SYTL5: variants seen among roughly 807,000 people sequenced by gnomAD.
SYTL5 encodes the protein synaptotagmin-like protein 5.
A neutral mutation model predicts 55.9 loss-of-function variants in SYTL5; 34 were observed. The ratio of observed to expected loss-of-function variants is 0.61; its 90% CI spans 0.46 to 0.81. The LOEUF is 0.81. Among genes scored for constraint, SYTL5 ranks in the 30% least tolerant of loss-of-function variants. The pLI is 0.00. For synonymous variants in SYTL5, 221 were observed against 188.7 expected (o/e 1.17, Z -1.40); for missense variants, 637 against 546.7 (o/e 1.17, Z -1.65).
chrX:38,037,788 TGATAGATAGATAGATA>T (rs3067489), intron 2 of SYTL5, among the ~76,000 whole-genome samples: 20 of 82,448 alleles, frequency 2.4e-4, no homozygotes, highest in South Asian at 1.1e-3. Context: ...AACATTTTTC[TGATAGATAGATAGATA>T]GATAGATAGA....
the SYTL5 span, among the ~76,000 whole-genome samples, chrX:37,995,312 A>G: frequency 3.6e-5 from 4 of 111,891 alleles, no homozygotes; most frequent in Non-Finnish European, 7.5e-5. Flanking sequence ...GGTGGGTGGA[A>G]AGAGGGCACA....
At chrX:38,033,495 T>G (rs1388460733) in intron 1 of SYTL5, 39 bp from the exon 2 acceptor site, 1 of 113,853 alleles carries the variant, frequency 8.8e-6, no homozygotes, top group Non-Finnish European at 1.8e-5. Flanking sequence ...ATAGCCTAAT[T>G]AAATTTTTCT....
intron 1 of SYTL5, among the ~76,000 whole-genome samples, chrX:38,029,660 A>G (rs921829892): frequency 2.7e-5 from 3 of 112,156 alleles, no homozygotes; most frequent in Non-Finnish European, 3.8e-5. Flanking sequence ...TAAAGCATTT[A>G]GAAAGCTTAA....
At chrX:37,981,195 G>T in the SYTL5 span, among the ~76,000 whole-genome samples, 3 of 112,510 alleles carry the variant, frequency 2.7e-5, no homozygotes, top group African/African-American at 3.2e-5. Flanking sequence ...GTTGAGAGTA[G>T]ATTGCTAAAT....
chrX:37,983,483 A>G, the SYTL5 span, among the ~76,000 whole-genome samples: 2 of 112,561 alleles, frequency 1.8e-5, no homozygotes, highest in Admixed American at 9.4e-5. Context: ...GGAAGATATA[A>G]CGATAATGAT....
chrX:38,125,798 G>C (rs146604025), intron 16 of SYTL5, among the ~76,000 whole-genome samples: 35 of 111,507 alleles, frequency 3.1e-4, no homozygotes, highest in African/African-American at 1.1e-3. Flanking sequence ...GTACTTTCTT[G>C]GGCCTTGCTT....
chrX:37,944,769 C>G, the SYTL5 span, among the ~76,000 whole-genome samples: 1 of 112,494 alleles, frequency 8.9e-6, no homozygotes, highest in Non-Finnish European at 1.9e-5. Flanking sequence ...CTTAAGGAGA[C>G]TGAGTCTCAT....
chrX:37,986,621 G>T, the SYTL5 span, among the ~76,000 whole-genome samples: 205 of 110,563 alleles, frequency 1.9e-3, 1 homozygote, highest in African/African-American at 6.2e-3. Flanking sequence ...CAATATGAGG[G>T]GTGGTCTCCT....
intron 2 of SYTL5, among the ~76,000 whole-genome samples, chrX:38,037,234 C>A (rs2147218595): frequency 8.9e-6 from 1 of 111,894 alleles, no homozygotes; most frequent in Non-Finnish European, 1.9e-5. Context: ...AGCTCCAGAG[C>A]TTCCCGTGGG....
At chrX:38,030,366 AAAC>A (rs1229005829) in intron 1 of SYTL5, among the ~76,000 whole-genome samples, 22 of 112,163 alleles carry the variant, frequency 2.0e-4, no homozygotes, top group African/African-American at 6.8e-4. Context: ...TTCATGAGGA[AAAC>A]AAGTTTTTCC....
At chrX:38,027,824 C>CT (rs111523397) in intron 1 of SYTL5, among the ~76,000 whole-genome samples, 3,868 of 90,727 alleles carry the variant, frequency 0.043, 227 homozygotes, top group African/African-American at 0.16. Flanking sequence ...AATTCTTCTT[C>CT]TTTTTTTTTT....
chrX:38,119,061 A>G (rs1435507595), intron 13 of SYTL5, among the ~76,000 whole-genome samples: 1 of 108,284 alleles, frequency 9.2e-6, no homozygotes, highest in Non-Finnish European at 1.9e-5. Flanking sequence ...CAATCCTCCC[A>G]CCTAGGCCTC....
At chrX:37,897,558 C>G in the SYTL5 span, among the ~76,000 whole-genome samples, 734 of 109,879 alleles carry the variant, frequency 6.7e-3, 6 homozygotes, top group Non-Finnish European at 9.6e-3. Context: ...GAGAGTATGA[C>G]AATTAATCAA....
chrX:37,984,227 AT>A, the SYTL5 span, among the ~76,000 whole-genome samples: 1 of 112,052 alleles, frequency 8.9e-6, no homozygotes, highest in Non-Finnish European at 1.9e-5. Flanking sequence ...AAGATGACAA[AT>A]TTGACAAACT....
intron 1 of SYTL5, among the ~76,000 whole-genome samples, chrX:38,030,122 G>A (rs186715015): frequency 9.0e-6 from 1 of 111,068 alleles, no homozygotes; most frequent in Non-Finnish European, 1.9e-5. Context: ...CTTCTAGGTT[G>A]CCAACAGCAT....
chrX:37,912,523 G>A, the SYTL5 span, among the ~76,000 whole-genome samples: 3 of 111,231 alleles, frequency 2.7e-5, no homozygotes, highest in East Asian at 2.8e-4. Flanking sequence ...GAGTGTTGTG[G>A]GTGTGAGTCA....
intron 1 of SYTL5, among the ~76,000 whole-genome samples, chrX:38,024,487 A>G (rs1233865132): frequency 9.0e-6 from 1 of 111,063 alleles, no homozygotes; most frequent in Non-Finnish European, 1.9e-5. Context: ...GGACTAATAC[A>G]GCACTGTTAA....
At chrX:38,102,993 T>C in intron 10 of SYTL5, 9 of 1,074,519 alleles carry the variant, frequency 8.4e-6, no homozygotes, top group Non-Finnish European at 1.1e-5. Flanking sequence ...CTGATGCTTT[T>C]TTTCTTTTGA....
the SYTL5 span, among the ~76,000 whole-genome samples, chrX:37,926,797 C>T: frequency 7.1e-5 from 8 of 111,907 alleles, no homozygotes; most frequent in African/African-American, 1.9e-4. Flanking sequence ...CAGGGGTATC[C>T]ATGATTTCAT....
Sources: gnomAD v4.1 joint callset for allele counts (sites outside exome capture counted in the v4.1 genomes callset) on GRCh38, gnomAD v4.1.1 for gene constraint, MANE v1.5 for transcripts, NCBI Gene and HGNC (gene_info 2026-07-23, HGNC 2026-07-21) for gene names.